Variants in GULP1 observed in about 807,000 individuals in gnomAD.
GULP1 encodes the protein PTB domain-containing engulfment adapter protein 1.
GULP1 carries 19 observed loss-of-function variants against 40.9 expected under a neutral mutation model. The observed-to-expected ratio is 0.46, with a 90% CI of 0.32 to 0.68. The LOEUF is 0.68. GULP1 is among the 30% of genes least tolerant of loss of function. The pLI, the probability that GULP1 is intolerant of heterozygous loss-of-function variation, is 0.03. For synonymous variants in GULP1, 119 were observed against 117.6 expected (o/e 1.01, Z -0.08); for missense variants, 312 against 362.2 (o/e 0.86, Z 1.12).
chr2:188,441,073 G>A (rs1187352305), intron 2 of GULP1, among the ~76,000 whole-genome samples: 5 of 22,578 alleles, frequency 2.2e-4, no homozygotes, highest in Admixed American at 1.4e-3. Flanking sequence ...GCCGGGCCAG[G>A]TAGATAGCAC....
chr2:188,539,836 A>G (rs576592907), intron 6 of GULP1, among the ~76,000 whole-genome samples: 12 of 152,214 alleles, frequency 7.9e-5, no homozygotes, highest in South Asian at 2.1e-4. Flanking sequence ...TGACACATCA[A>G]ACTCTGAACT....
At chr2:188,318,680 G>A (rs754561388) in intron 1 of GULP1, among the ~76,000 whole-genome samples, 8 of 152,228 alleles carry the variant, frequency 5.3e-5, no homozygotes, top group Middle Eastern at 6.8e-3. Context: ...ACTGCTTTCC[G>A]TGGGAATAAT....
intron 11 of GULP1, chr2:188,592,965 C>G (rs1703868822): frequency 6.6e-6 from 1 of 151,938 alleles, no homozygotes; most frequent in African/African-American, 2.4e-5. Context: ...ATGGCCACTC[C>G]AAATTACAAA....
intron 2 of GULP1, among the ~76,000 whole-genome samples, chr2:188,447,090 GT>G (rs1399210177): frequency 6.6e-6 from 1 of 152,046 alleles, no homozygotes; most frequent in Non-Finnish European, 1.5e-5. Context: ...TTGCTTCCAG[GT>G]TATAGGTAGA....
chr2:188,341,126 C>T (rs1451574279), intron 1 of GULP1, among the ~76,000 whole-genome samples: 3 of 152,104 alleles, frequency 2.0e-5, no homozygotes, highest in Non-Finnish European at 2.9e-5. Flanking sequence ...GGTGGGGCTT[C>T]ACCAGGGACC....
chr2:188,553,148 C>T (rs1693919072), intron 7 of GULP1, among the ~76,000 whole-genome samples: 1 of 151,818 alleles, frequency 6.6e-6, no homozygotes, highest in Non-Finnish European at 1.5e-5. Flanking sequence ...AATTTGACTT[C>T]CTGTTTTCCA....
chr2:188,468,901 G>A (rs2060353901), intron 2 of GULP1, among the ~76,000 whole-genome samples: 1 of 152,138 alleles, frequency 6.6e-6, no homozygotes, highest in Admixed American at 6.5e-5. Context: ...GGTAAGCAGT[G>A]AAGTGTTTTG....
intron 2 of GULP1, among the ~76,000 whole-genome samples, chr2:188,441,127 G>T (rs1303896942): frequency 6.6e-6 from 1 of 152,096 alleles, no homozygotes; most frequent in East Asian, 1.9e-4. Flanking sequence ...AGTGTTTGGA[G>T]ATGAATATAA....
chr2:188,356,007 A>G, intron 1 of GULP1, among the ~76,000 whole-genome samples: 1 of 152,246 alleles, frequency 6.6e-6, no homozygotes, highest in East Asian at 1.9e-4. Flanking sequence ...AAAACTCTCA[A>G]CAAATTATGT....
intron 9 of GULP1, 50 bp downstream of exon 9, chr2:188,570,170 T>A (rs374345703): frequency 1.3e-6 from 1 of 769,924 alleles, no homozygotes; most frequent in South Asian, 1.6e-5. Flanking sequence ...TGATAAAACA[T>A]CTGTGTATCA....
At chr2:188,527,820 T>C (rs1264137528) in intron 5 of GULP1, among the ~76,000 whole-genome samples, 8 of 152,170 alleles carry the variant, frequency 5.3e-5, no homozygotes, top group Admixed American at 5.2e-4. Context: ...AGAAAGACTT[T>C]TAATCACTCT....
intron 5 of GULP1, among the ~76,000 whole-genome samples, chr2:188,523,694 G>T (rs1485589267): frequency 6.6e-6 from 1 of 152,050 alleles, no homozygotes; most frequent in East Asian, 1.9e-4. Context: ...GAGTGTGCCA[G>T]GCAAAGTCAG....
intron 1 of GULP1, among the ~76,000 whole-genome samples, chr2:188,314,162 G>A (rs1293062630): frequency 6.7e-6 from 1 of 149,786 alleles, no homozygotes; most frequent in Non-Finnish European, 1.5e-5. Flanking sequence ...ATAGTTCTTG[G>A]TACCAACTGG....
At chr2:188,367,330 G>T (rs530313394) in intron 1 of GULP1, among the ~76,000 whole-genome samples, 12 of 152,292 alleles carry the variant, frequency 7.9e-5, no homozygotes, top group Non-Finnish European at 1.6e-4. Context: ...TCAGCTGCAG[G>T]GCAGACAGTT....
At chr2:188,335,010 A>G (rs1559122764) in intron 1 of GULP1, among the ~76,000 whole-genome samples, 1 of 152,252 alleles carries the variant, frequency 6.6e-6, no homozygotes, top group Non-Finnish European at 1.5e-5. Flanking sequence ...AGAGAAAGAT[A>G]TACGGAACAA....
chr2:188,579,025 C>T (rs1402835590), intron 9 of GULP1, among the ~76,000 whole-genome samples: 2 of 152,080 alleles, frequency 1.3e-5, no homozygotes, highest in Non-Finnish European at 1.5e-5. Context: ...ATTGAATAGG[C>T]CTAACCATTT....
At chr2:188,333,732 A>G (rs890819576) in intron 1 of GULP1, among the ~76,000 whole-genome samples, 19 of 152,170 alleles carry the variant, frequency 1.2e-4, no homozygotes, top group African/African-American at 4.6e-4. Flanking sequence ...AATTTTAATG[A>G]CAATACTACC....
chr2:188,439,493 G>A (rs898710421), intron 2 of GULP1, among the ~76,000 whole-genome samples: 18 of 152,040 alleles, frequency 1.2e-4, no homozygotes, highest in African/African-American at 4.3e-4. Flanking sequence ...AAATTATAAT[G>A]TATCCACACA....
chr2:188,460,204 G>T (rs2059586871), intron 2 of GULP1, among the ~76,000 whole-genome samples: 1 of 152,038 alleles, frequency 6.6e-6, no homozygotes, highest in Non-Finnish European at 1.5e-5. Context: ...TTTTGATAGG[G>T]ATTTCATTGA....
Sources: allele counts gnomAD v4.1 joint callset (sites outside exome capture counted in the v4.1 genomes callset), GRCh38; gene constraint gnomAD v4.1.1; transcripts MANE v1.5; gene names NCBI Gene and HGNC (gene_info 2026-07-23, HGNC 2026-07-21).